SMYD3: variants seen among roughly 807,000 people sequenced by gnomAD.
The protein encoded by SMYD3 is SET and MYND domain containing 3.
Under a neutral mutation model 57.7 loss-of-function variants are expected in SMYD3, and 36 were observed. That is an observed-to-expected ratio of 0.62 (90% CI 0.48 to 0.82). SMYD3 has a LOEUF of 0.82. SMYD3 is among the 40% of genes least tolerant of loss of function. SMYD3 has a pLI of 0.00. For missense variants in SMYD3, 515 were observed against 538.8 expected (o/e 0.96, Z 0.44); for synonymous variants, 211 against 195.0 (o/e 1.08, Z -0.68).
In SMYD3 at chr1:246,356,821, T is replaced by C. The variant is rs116535708; in HGVS notation, c.165-1727A>G. On this transcript the variant is annotated intron_variant, in intron 1 of 11. Transcript: ENST00000490107. ...GTTAAGCATGCAAATCTAAGAATAA[T>C]TGGTGTTCCCAAGACAAAAAAAAGA... 4.6e-5 allele frequency among the ~76,000 whole-genome samples: 7 copies of C among 152,266 alleles called. No homozygotes were observed. In the East Asian group the frequency reaches 5.8e-4, roughly 13 times the overall value.
At chr1:246,153,292 T>C (rs2061972487) in intron 5 of SMYD3, among the ~76,000 whole-genome samples, 1 of 152,040 alleles carries the variant, frequency 6.6e-6, no homozygotes, top group Non-Finnish European at 1.5e-5. Context: ...CCATCCATTC[T>C]CCTGTGTTCC....
At chr1:246,321,081 A>G (rs1233942305) in intron 5 of SMYD3, among the ~76,000 whole-genome samples, 1 of 152,236 alleles carries the variant, frequency 6.6e-6, no homozygotes, top group Non-Finnish European at 1.5e-5. Context: ...ACTGAAACTA[A>G]GCCTCAAGAA....
intron 1 of SMYD3, among the ~76,000 whole-genome samples, chr1:246,502,801 C>T (rs28622293): frequency 0.39 from 58,890 of 151,896 alleles, 13,161 homozygotes; most frequent in East Asian, 0.71. Context: ...GTCATGCTGG[C>T]TCTCATCCCT....
chr1:245,889,930 A>G (rs1401543600), intron 8 of SMYD3, among the ~76,000 whole-genome samples: 1 of 152,198 alleles, frequency 6.6e-6, no homozygotes, highest in African/African-American at 2.4e-5. Context: ...CCAGAATTAA[A>G]TCCATACATC....
intron 5 of SMYD3, among the ~76,000 whole-genome samples, chr1:246,287,982 C>G (rs1320619270): frequency 1.3e-5 from 2 of 151,562 alleles, no homozygotes; most frequent in African/African-American, 4.8e-5. Context: ...CGGCCTGGGG[C>G]CCCCACCCCC....
At chr1:246,084,416 A>G (rs1417515920) in intron 5 of SMYD3, among the ~76,000 whole-genome samples, 1 of 151,960 alleles carries the variant, frequency 6.6e-6, no homozygotes, top group East Asian at 1.9e-4. Flanking sequence ...GAGTTTTGAC[A>G]TGTTGCCCAG....
intron 6 of SMYD3, among the ~76,000 whole-genome samples, chr1:245,928,267 A>G (rs2056511833): frequency 1.3e-5 from 2 of 152,154 alleles, no homozygotes; most frequent in Admixed American, 6.5e-5. Context: ...GTCATTTAAT[A>G]ATAAAAAAAT....
chr1:246,088,279 TTCTC>T (rs1261782858), intron 5 of SMYD3, among the ~76,000 whole-genome samples: 62 of 151,680 alleles, frequency 4.1e-4, no homozygotes, highest in Admixed American at 4.1e-3. Context: ...TTCTCTTTCT[TTCTC>T]TCTCTCTCTA....
At chr1:246,258,982 C>A (rs1161520544) in intron 5 of SMYD3, among the ~76,000 whole-genome samples, 1 of 152,112 alleles carries the variant, frequency 6.6e-6, no homozygotes, top group Non-Finnish European at 1.5e-5. Context: ...TTCTGAAATT[C>A]TTTCTTCTAC....
intron 5 of SMYD3, among the ~76,000 whole-genome samples, chr1:246,090,212 G>A (rs2060797339): frequency 6.6e-6 from 1 of 152,068 alleles, no homozygotes; most frequent in Non-Finnish European, 1.5e-5. Context: ...TTCTACAAAG[G>A]TATATATGAA....
chr1:246,232,987 G>A (rs12734966), intron 5 of SMYD3, among the ~76,000 whole-genome samples: 27 of 103,912 alleles, frequency 2.6e-4, no homozygotes, highest in South Asian at 1.3e-3. Flanking sequence ...CATATACCAC[G>A]CAGAGGAGAA....
At chr1:245,953,305 A>G (rs921934852) in intron 5 of SMYD3, 3 of 997,726 alleles carry the variant, frequency 3.0e-6, no homozygotes, top group Non-Finnish European at 3.6e-6. Flanking sequence ...TATCAACTCC[A>G]ACTAGACCAA....
intron 1 of SMYD3, among the ~76,000 whole-genome samples, chr1:246,450,239 C>T (rs1008035539): frequency 1.3e-5 from 2 of 151,824 alleles, no homozygotes; most frequent in Admixed American, 6.6e-5. Context: ...TGAGGTGAGC[C>T]GACATCGCAC....
intron 5 of SMYD3, among the ~76,000 whole-genome samples, chr1:246,219,030 T>C (rs1229182868): frequency 6.6e-6 from 1 of 152,110 alleles, no homozygotes; most frequent in Non-Finnish European, 1.5e-5. Context: ...CTCTCTTTTA[T>C]ATAGGTTGGG....
chr1:246,296,152 T>C (rs563367861), intron 5 of SMYD3, among the ~76,000 whole-genome samples: 5 of 152,278 alleles, frequency 3.3e-5, no homozygotes, highest in Non-Finnish European at 5.9e-5. Flanking sequence ...AGTCTGGACA[T>C]GCAGACTATG....
intron 10 of SMYD3, among the ~76,000 whole-genome samples, chr1:245,808,877 C>T (rs2048319535): frequency 6.6e-6 from 1 of 152,128 alleles, no homozygotes; most frequent in Non-Finnish European, 1.5e-5. Context: ...ATTCTCGTGC[C>T]TCAGCCTCCC....
chr1:246,301,164 C>T (rs1404216285), intron 5 of SMYD3, among the ~76,000 whole-genome samples: 1 of 151,964 alleles, frequency 6.6e-6, no homozygotes, highest in African/African-American at 2.4e-5. Flanking sequence ...TAAATGGGAA[C>T]TTAAGGGAAA....
intron 10 of SMYD3, among the ~76,000 whole-genome samples, chr1:245,854,907 T>C (rs952440194): frequency 2.0e-5 from 3 of 152,204 alleles, no homozygotes; most frequent in African/African-American, 7.2e-5. Context: ...GTTCATGTTT[T>C]CTGGCGAAGG....
At chr1:246,117,803 A>T (rs952944848) in intron 5 of SMYD3, among the ~76,000 whole-genome samples, 2 of 152,158 alleles carry the variant, frequency 1.3e-5, no homozygotes, top group Admixed American at 6.5e-5. Flanking sequence ...TATAGTAAAA[A>T]CATAACTACT....
Sources: gnomAD v4.1 joint callset for allele counts (sites outside exome capture counted in the v4.1 genomes callset) on GRCh38, gnomAD v4.1.1 for gene constraint, MANE v1.5 for transcripts, NCBI Gene and HGNC (gene_info 2026-07-23, HGNC 2026-07-21) for gene names.